Variants in CDH18 observed in about 807,000 individuals in gnomAD.
CDH18 encodes the protein cadherin-18.
Under a neutral mutation model 67.9 loss-of-function variants are expected in CDH18, and 31 were observed. The ratio of observed to expected loss-of-function variants is 0.46; its 90% CI spans 0.34 to 0.62. The LOEUF is 0.62. Among genes scored for constraint, CDH18 ranks in the 20% least tolerant of loss-of-function variants. The pLI, the probability that CDH18 is intolerant of heterozygous loss-of-function variation, is 0.01. For synonymous variants in CDH18, 362 were observed against 347.2 expected, an observed-to-expected ratio of 1.04 and a Z score of -0.48; for missense variants, 890 against 975.5, an observed-to-expected ratio of 0.91 and a Z score of 1.17.
chr5:20,196,103 A>G (rs1273162750), intron 2 of CDH18, among the ~76,000 whole-genome samples: 1 of 152,136 alleles, frequency 6.6e-6, no homozygotes, highest in Non-Finnish European at 1.5e-5. Context: ...ATCTGTTTGC[A>G]TACAAAGTGA....
chr5:20,227,451 T>C (rs997733656), intron 2 of CDH18, among the ~76,000 whole-genome samples: 1 of 152,104 alleles, frequency 6.6e-6, no homozygotes, highest in South Asian at 2.1e-4. Flanking sequence ...GATTCAATAA[T>C]CAATCATCAC....
At chr5:20,209,178 T>C (rs1463770393) in intron 2 of CDH18, among the ~76,000 whole-genome samples, 1 of 152,054 alleles carries the variant, frequency 6.6e-6, no homozygotes, top group Non-Finnish European at 1.5e-5. Flanking sequence ...ACAACCGTTA[T>C]GAAAAACAGT....
At chr5:19,770,333 C>T (rs2149736537) in intron 3 of CDH18, among the ~76,000 whole-genome samples, 1 of 151,788 alleles carries the variant, frequency 6.6e-6, no homozygotes, top group South Asian at 2.1e-4. Context: ...ACATAATCAG[C>T]AGATTAACAG....
At chr5:19,702,487 C>T (rs767266879) in intron 5 of CDH18, among the ~76,000 whole-genome samples, 5 of 149,810 alleles carry the variant, frequency 3.3e-5, no homozygotes, top group Admixed American at 2.0e-4. Flanking sequence ...CCCTTTCAGC[C>T]GGGCGTGGTG....
intron 2 of CDH18, among the ~76,000 whole-genome samples, chr5:19,918,639 T>A (rs1425060284): frequency 6.6e-6 from 1 of 152,168 alleles, no homozygotes; most frequent in Non-Finnish European, 1.5e-5. Context: ...AGATAATGGA[T>A]AAACAAATGC....
chr5:20,131,378 T>G (rs1398739617), intron 2 of CDH18, among the ~76,000 whole-genome samples: 3 of 152,072 alleles, frequency 2.0e-5, no homozygotes, highest in African/African-American at 7.2e-5. Flanking sequence ...TATCTTCCAG[T>G]CTCTATGCAA....
chr5:20,566,089 G>T (rs961880339), intron 1 of CDH18, among the ~76,000 whole-genome samples: 1 of 152,046 alleles, frequency 6.6e-6, no homozygotes, highest in Non-Finnish European at 1.5e-5. Context: ...AGATAAGGCT[G>T]AGCACTGACT....
intron 2 of CDH18, among the ~76,000 whole-genome samples, chr5:19,915,831 A>T (rs961942271): frequency 1.3e-5 from 2 of 152,026 alleles, no homozygotes; most frequent in Non-Finnish European, 1.5e-5. Context: ...AAAGGAGGCA[A>T]TGCTTACTAA....
intron 2 of CDH18, among the ~76,000 whole-genome samples, chr5:20,120,190 G>C (rs1212276050): frequency 6.6e-6 from 1 of 152,066 alleles, no homozygotes; most frequent in African/African-American, 2.4e-5. Context: ...CTAGGATGTA[G>C]ATATGGATTA....
At chr5:19,702,148 CTTT>C (rs70950086) in intron 5 of CDH18, among the ~76,000 whole-genome samples, 7 of 114,872 alleles carry the variant, frequency 6.1e-5, no homozygotes, top group African/African-American at 1.4e-4. Context: ...CTTTCTCTCT[CTTT>C]TTTTTTTTTT....
intron 1 of CDH18, among the ~76,000 whole-genome samples, chr5:20,319,054 A>C (rs1737738068): frequency 2.0e-5 from 3 of 152,276 alleles, no homozygotes; most frequent in South Asian, 4.1e-4. Context: ...CTACTTGTTC[A>C]TCTCATGAAA....
At chr5:20,145,722 G>C (rs1410760069) in intron 2 of CDH18, among the ~76,000 whole-genome samples, 2 of 152,090 alleles carry the variant, frequency 1.3e-5, no homozygotes, top group Admixed American at 1.3e-4. Context: ...TGGTGCAAAT[G>C]ATCACAATTT....
Position 19,961,386 on chromosome 5 carries a change from C to T in CDH18, c.-257+19674G>A, listed in dbSNP as rs1039376885. The stretch of plus-strand genomic sequence containing the variant: ...CCTCCCAAACCGCAAGGATTACAGG[C>T]GTGAGCCACCGTGCCCAGCCAACTA... On this transcript the variant is annotated intron_variant, in intron 2 of 12. Transcript: ENST00000382275. 3.3e-5 allele frequency among the ~76,000 whole-genome samples: 5 copies of T among 151,970 alleles called. No homozygotes were observed. In the South Asian group the frequency reaches 1.0e-3, roughly 31 times the overall value.
At chr5:20,243,177 G>A (rs1743120690) in intron 2 of CDH18, among the ~76,000 whole-genome samples, 1 of 152,108 alleles carries the variant, frequency 6.6e-6, no homozygotes, top group African/African-American at 2.4e-5. Context: ...GCCAGAATTT[G>A]AAGCTGCCTG....
intron 1 of CDH18, among the ~76,000 whole-genome samples, chr5:20,465,668 C>A (rs10055568): frequency 7.9e-5 from 12 of 151,550 alleles, no homozygotes; most frequent in Admixed American, 6.6e-4. Flanking sequence ...TTGTGCTGAC[C>A]GACATATCAA....
intron 1 of CDH18, among the ~76,000 whole-genome samples, chr5:20,374,372 G>A (rs1174254358): frequency 6.6e-6 from 1 of 152,196 alleles, no homozygotes; most frequent in Non-Finnish European, 1.5e-5. Flanking sequence ...AAAACAGTCA[G>A]AATGCAGTGA....
intron 2 of CDH18, among the ~76,000 whole-genome samples, chr5:20,198,566 T>G (rs566008878): frequency 9.2e-5 from 14 of 152,108 alleles, no homozygotes; most frequent in Non-Finnish European, 1.8e-4. Flanking sequence ...TTTGAAAAAT[T>G]TGCAGCCTGA....
chr5:19,921,216 C>T (rs1235149425), intron 2 of CDH18, among the ~76,000 whole-genome samples: 2 of 151,956 alleles, frequency 1.3e-5, no homozygotes, highest in African/African-American at 2.4e-5. Context: ...TGATTATATA[C>T]ATTTCAAAAA....
At chr5:19,801,731 A>G (rs1379804921) in intron 3 of CDH18, among the ~76,000 whole-genome samples, 1 of 152,214 alleles carries the variant, frequency 6.6e-6, no homozygotes, top group Non-Finnish European at 1.5e-5. Flanking sequence ...CTTTACAGAC[A>G]CTAAGAAAAC....
Sources: allele counts gnomAD v4.1 joint callset (sites outside exome capture counted in the v4.1 genomes callset), GRCh38; gene constraint gnomAD v4.1.1; transcripts MANE v1.5; gene names NCBI Gene and HGNC (gene_info 2026-07-23, HGNC 2026-07-21).